KYNU: variants seen among roughly 807,000 people sequenced by gnomAD.
The protein encoded by KYNU is L-kynurenine hydrolase.
In KYNU, 54 loss-of-function variants were observed where a neutral mutation model predicts 59.2. That is an observed-to-expected ratio of 0.91 (90% CI 0.73 to 1.14). KYNU has a LOEUF of 1.14. KYNU is among the 50% of genes most tolerant of loss of function. The pLI is 0.00. For missense variants in KYNU, 567 were observed against 554.4 expected (o/e 1.02, Z -0.23); for synonymous variants, 177 against 192.0 (o/e 0.92, Z 0.65).
intron 2 of KYNU, among the ~76,000 whole-genome samples, chr2:142,904,172 G>T (rs966474542): frequency 3.3e-5 from 5 of 152,218 alleles, no homozygotes; most frequent in African/African-American, 1.2e-4. Flanking sequence ...CAGAGAGTTT[G>T]CTTCCTCAAT....
chr2:143,014,333 A>T (rs986439043), intron 10 of KYNU, among the ~76,000 whole-genome samples: 14 of 152,198 alleles, frequency 9.2e-5, no homozygotes, highest in African/African-American at 3.4e-4. Context: ...TGGGAACCTG[A>T]ATCAGGTATG....
chr2:142,937,579 A>T (rs1683433988), intron 4 of KYNU, among the ~76,000 whole-genome samples: 1 of 152,244 alleles, frequency 6.6e-6, no homozygotes, highest in Non-Finnish European at 1.5e-5. Context: ...AAGCCAGAGT[A>T]GGTTCACAGA....
intron 3 of KYNU, among the ~76,000 whole-genome samples, chr2:142,920,245 C>G (rs776183221): frequency 3.9e-5 from 6 of 152,100 alleles, no homozygotes; most frequent in Non-Finnish European, 5.9e-5. Context: ...AACTTTTATG[C>G]ATAATTTGCA....
intron 10 of KYNU, among the ~76,000 whole-genome samples, chr2:143,010,882 C>A (rs1425857895): frequency 6.9e-6 from 1 of 145,004 alleles, no homozygotes; most frequent in East Asian, 2.2e-4. Context: ...AAACTGGATC[C>A]CTTCCTTACA....
chr2:142,947,063 C>A, intron 4 of KYNU: 2 of 1,550,714 alleles, frequency 1.3e-6, no homozygotes, highest in African/African-American at 2.7e-5. Flanking sequence ...CCAAGCAACT[C>A]CTGTGACTAA....
intron 2 of KYNU, among the ~76,000 whole-genome samples, chr2:142,908,335 C>T (rs1375745361): frequency 6.6e-6 from 1 of 151,760 alleles, no homozygotes; most frequent in African/African-American, 2.4e-5. Flanking sequence ...ATTACAGTAA[C>T]CTTATGCTGT....
At chr2:143,028,848 C>CAAACAAA (rs1553491129) in intron 10 of KYNU, among the ~76,000 whole-genome samples, 1 of 149,706 alleles carries the variant, frequency 6.7e-6, no homozygotes, top group Non-Finnish European at 1.5e-5. Flanking sequence ...AACTCTGTCT[C>CAAACAAA]AAACAAAACA....
At chr2:142,985,903 A>G (rs1192975638) in intron 9 of KYNU, 45 bp from the exon 10 acceptor site, 17 of 1,302,500 alleles carry the variant, frequency 1.3e-5, no homozygotes, top group Non-Finnish European at 1.9e-5. Flanking sequence ...TAGTTTTGTC[A>G]TATATTTAAG....
chr2:142,979,503 C>CA (rs1327163072), intron 8 of KYNU, among the ~76,000 whole-genome samples: 2 of 152,066 alleles, frequency 1.3e-5, no homozygotes, highest in Non-Finnish European at 2.9e-5. Flanking sequence ...AATCTTCACT[C>CA]AAAGTTATCT....
intron 11 of KYNU, among the ~76,000 whole-genome samples, chr2:143,030,881 T>A (rs1189842113): frequency 6.6e-6 from 1 of 152,136 alleles, no homozygotes; most frequent in African/African-American, 2.4e-5. Flanking sequence ...TCAAAACACT[T>A]ACATAGCCTA....
chr2:142,911,466 T>A (rs1289698616), intron 2 of KYNU, among the ~76,000 whole-genome samples: 1 of 152,058 alleles, frequency 6.6e-6, no homozygotes, highest in African/African-American at 2.4e-5. Context: ...TTTGGTGGAG[T>A]CTTTAGGGTT....
chr2:142,985,460 A>G (rs1176475650), intron 9 of KYNU, among the ~76,000 whole-genome samples: 1 of 151,862 alleles, frequency 6.6e-6, no homozygotes, highest in African/African-American at 2.4e-5. Context: ...ACTTAATTCA[A>G]ATTGATCATC....
chr2:142,885,048 A>G (rs1681454740), intron 1 of KYNU, among the ~76,000 whole-genome samples: 3 of 123,390 alleles, frequency 2.4e-5, no homozygotes, highest in Non-Finnish European at 5.0e-5. Flanking sequence ...TTTTTTTAGT[A>G]GAGATGAGGT....
intron 2 of KYNU, among the ~76,000 whole-genome samples, chr2:142,914,559 C>T (rs980345371): frequency 2.0e-5 from 3 of 152,176 alleles, no homozygotes; most frequent in Admixed American, 6.5e-5. Flanking sequence ...TTAGTGGCAA[C>T]TCCAATTCCA....
chr2:142,892,616 A>G (rs1277145988), intron 2 of KYNU, among the ~76,000 whole-genome samples: 1 of 152,178 alleles, frequency 6.6e-6, no homozygotes, highest in Non-Finnish European at 1.5e-5. Flanking sequence ...AGTAAATGTA[A>G]TAGAAGTGGA....
At chr2:142,954,526 T>C (rs78244968) in intron 4 of KYNU, among the ~76,000 whole-genome samples, 3,214 of 152,216 alleles carry the variant, frequency 0.021, 117 homozygotes, top group African/African-American at 0.074. Flanking sequence ...TAATAGGATA[T>C]ATCATTTTTA....
At chr2:143,020,998 T>A (rs1294852883) in intron 10 of KYNU, among the ~76,000 whole-genome samples, 1 of 152,214 alleles carries the variant, frequency 6.6e-6, no homozygotes, top group Non-Finnish European at 1.5e-5. Context: ...TGAACAATGG[T>A]ATCGCAATGT....
At chr2:142,901,162 A>T (rs911601291) in intron 2 of KYNU, among the ~76,000 whole-genome samples, 1 of 152,170 alleles carries the variant, frequency 6.6e-6, no homozygotes, top group East Asian at 1.9e-4. Flanking sequence ...TTAGTTTTGA[A>T]AAAGCGTGGT....
intron 2 of KYNU, among the ~76,000 whole-genome samples, chr2:142,891,409 A>T (rs898012570): frequency 2.0e-5 from 3 of 152,164 alleles, no homozygotes; most frequent in African/African-American, 7.2e-5. Flanking sequence ...TGCTGCTTTC[A>T]ATATTCTTTT....
Sources: allele counts gnomAD v4.1 joint callset (sites outside exome capture counted in the v4.1 genomes callset), GRCh38; gene constraint gnomAD v4.1.1; transcripts MANE v1.5; gene names NCBI Gene and HGNC (gene_info 2026-07-23, HGNC 2026-07-21).